The following KCNIP4 variants were observed in gnomAD, a reference collection of about 807,000 sequenced individuals.
The protein encoded by KCNIP4 is potassium voltage-gated channel interacting protein 4.
In KCNIP4, 12 loss-of-function variants were observed where a neutral mutation model predicts 34.0. The ratio of observed to expected loss-of-function variants is 0.35; its 90% CI spans 0.23 to 0.57. The LOEUF is 0.57. Ranked by LOEUF, KCNIP4 falls within the 20% of genes least tolerant of loss-of-function variation. The pLI is 0.83. For missense variants in KCNIP4, 238 were observed against 311.7 expected (o/e 0.76, Z 1.78); for synonymous variants, 124 against 102.2 (o/e 1.21, Z -1.29).
At chr4:20,953,453 G>C (rs973692448) in intron 1 of KCNIP4, among the ~76,000 whole-genome samples, 2 of 152,082 alleles carry the variant, frequency 1.3e-5, no homozygotes, top group Non-Finnish European at 2.9e-5. Flanking sequence ...AAAGTGAGGT[G>C]GGCAGATCAC....
chr4:21,703,928 A>G (rs909643163), intron 1 of KCNIP4, among the ~76,000 whole-genome samples: 3 of 152,212 alleles, frequency 2.0e-5, no homozygotes, highest in Non-Finnish European at 4.4e-5. Flanking sequence ...TTTGAGACTT[A>G]TATGGCTGCA....
chr4:21,500,227 C>T (rs1733201913), intron 1 of KCNIP4, among the ~76,000 whole-genome samples: 1 of 152,020 alleles, frequency 6.6e-6, no homozygotes, highest in African/African-American at 2.4e-5. Context: ...TTATTCATCT[C>T]GAAAATGCAT....
intron 1 of KCNIP4, among the ~76,000 whole-genome samples, chr4:21,672,330 G>A (rs1560614024): frequency 7.0e-6 from 1 of 143,480 alleles, no homozygotes; most frequent in Non-Finnish European, 1.5e-5. Flanking sequence ...TAACACATCT[G>A]CTGTGAGACC....
chr4:21,901,874 C>T (rs943095572), intron 1 of KCNIP4, among the ~76,000 whole-genome samples: 2 of 151,964 alleles, frequency 1.3e-5, no homozygotes, highest in African/African-American at 4.8e-5. Flanking sequence ...CAGAATAGGC[C>T]CTCCTATTCC....
chr4:21,874,113 C>G (rs1725965460), intron 1 of KCNIP4, among the ~76,000 whole-genome samples: 1 of 152,172 alleles, frequency 6.6e-6, no homozygotes, highest in Non-Finnish European at 1.5e-5. Context: ...TCGAAGGGGG[C>G]ACTTAACCAT....
chr4:21,404,248 T>C (rs35427565), intron 1 of KCNIP4, among the ~76,000 whole-genome samples: 31,510 of 152,188 alleles, frequency 0.21, 3,696 homozygotes, highest in Middle Eastern at 0.31. Context: ...TCATTTTTCA[T>C]AGTACTTACT....
At chr4:21,888,601 A>G (rs1420996897) in intron 1 of KCNIP4, among the ~76,000 whole-genome samples, 1 of 152,140 alleles carries the variant, frequency 6.6e-6, no homozygotes, top group Non-Finnish European at 1.5e-5. Context: ...CTTTGCCCTC[A>G]GGTGCAATCA....
chr4:20,862,373 C>T (rs1722295688), intron 2 of KCNIP4, among the ~76,000 whole-genome samples: 1 of 152,050 alleles, frequency 6.6e-6, no homozygotes. Flanking sequence ...TCATTATGCT[C>T]AGACAGAAAA....
At chr4:21,289,589 A>G (rs1038719029) in intron 1 of KCNIP4, among the ~76,000 whole-genome samples, 5 of 152,194 alleles carry the variant, frequency 3.3e-5, no homozygotes, top group African/African-American at 1.2e-4. Flanking sequence ...AAGTTTTATA[A>G]AGTACTTTAA....
At chr4:21,545,210 T>C (rs77434870) in intron 1 of KCNIP4, among the ~76,000 whole-genome samples, 5,123 of 152,100 alleles carry the variant, frequency 0.034, 244 homozygotes, top group East Asian at 0.21. Flanking sequence ...TTACCCTACA[T>C]GGTCTAAAAA....
chr4:20,924,176 C>T (rs1729677441), intron 1 of KCNIP4, among the ~76,000 whole-genome samples: 1 of 152,170 alleles, frequency 6.6e-6, no homozygotes, highest in African/African-American at 2.4e-5. Context: ...GAAGCTTTTG[C>T]ACTTGGAGCC....
chr4:21,306,559 A>G (rs1712489488), intron 1 of KCNIP4, among the ~76,000 whole-genome samples: 1 of 152,198 alleles, frequency 6.6e-6, no homozygotes, highest in Non-Finnish European at 1.5e-5. Flanking sequence ...TGTTTTAGCC[A>G]TTAACTCCGG....
At chr4:21,078,411 T>C (rs1745698238) in intron 1 of KCNIP4, among the ~76,000 whole-genome samples, 1 of 152,052 alleles carries the variant, frequency 6.6e-6, no homozygotes, top group Non-Finnish European at 1.5e-5. Context: ...TTGGATTCTG[T>C]TGAGGGCCCT....
intron 1 of KCNIP4, among the ~76,000 whole-genome samples, chr4:21,783,826 TC>T (rs1719729294): frequency 6.6e-6 from 1 of 152,098 alleles, no homozygotes; most frequent in African/African-American, 2.4e-5. Flanking sequence ...ATTTACAACC[TC>T]AACAGATCAC....
chr4:21,077,798 T>TATTACAATTATTATAA (rs1441099415), intron 1 of KCNIP4, among the ~76,000 whole-genome samples: 7 of 152,244 alleles, frequency 4.6e-5, no homozygotes, highest in African/African-American at 1.7e-4. Flanking sequence ...TAATAATTGT[T>TATTACAATTATTATAA]ATTACAATTA....
intron 1 of KCNIP4, among the ~76,000 whole-genome samples, chr4:21,802,499 T>A (rs1304986851): frequency 6.6e-6 from 1 of 152,096 alleles, no homozygotes; most frequent in Admixed American, 6.5e-5. Flanking sequence ...ATATTGCAGA[T>A]AAGAAAACAA....
At chr4:21,044,085 C>T (rs181117676) in intron 1 of KCNIP4, among the ~76,000 whole-genome samples, 8 of 152,094 alleles carry the variant, frequency 5.3e-5, no homozygotes, top group Non-Finnish European at 1.2e-4. Flanking sequence ...TAGGATTGGC[C>T]CCACTCACTG....
intron 5 of KCNIP4, among the ~76,000 whole-genome samples, chr4:20,748,558 TTTTATATATA>T (rs1446856949): frequency 0.024 from 2,863 of 118,394 alleles, 78 homozygotes; most frequent in Middle Eastern, 0.046. Context: ...ACCTTCCAAA[TTTTATATATA>T]TATATATATA....
At chr4:21,070,766 C>T (rs555028590) in intron 1 of KCNIP4, among the ~76,000 whole-genome samples, 1 of 141,082 alleles carries the variant, frequency 7.1e-6, no homozygotes, top group East Asian at 2.2e-4. Flanking sequence ...AGCTCTGCCT[C>T]TCAGGTTCAA....
Sources: allele counts gnomAD v4.1 joint callset (sites outside exome capture counted in the v4.1 genomes callset), GRCh38; gene constraint gnomAD v4.1.1; transcripts MANE v1.5; gene names NCBI Gene and HGNC (gene_info 2026-07-23, HGNC 2026-07-21).